Variants in MYO1E observed in about 807,000 individuals in gnomAD.
MYO1E encodes myosin IE.
A neutral mutation model predicts 151.1 loss-of-function variants in MYO1E; 68 were observed. That is an observed-to-expected ratio of 0.45 (90% CI 0.37 to 0.55). The LOEUF is 0.55. Ranked by LOEUF, MYO1E falls within the 20% of genes least tolerant of loss-of-function variation. MYO1E has a pLI of 0.00. For missense variants in MYO1E, 1,363 were observed against 1,389.3 expected (o/e 0.98, Z 0.30); for synonymous variants, 601 against 501.7 (o/e 1.20, Z -2.64).
chr15:59,224,905 C>G, intron 7 of MYO1E, 82 bp from the exon 8 acceptor site: 3 of 1,578,268 alleles, frequency 1.9e-6, no homozygotes, highest in East Asian at 2.2e-5. Flanking sequence ...AGCCACCATC[C>G]CTAAGGACTT....
chr15:59,278,185 T>A (rs2080332743), intron 1 of MYO1E, among the ~76,000 whole-genome samples: 1 of 152,352 alleles, frequency 6.6e-6, no homozygotes, highest in Admixed American at 6.5e-5. Flanking sequence ...TAGTATCATG[T>A]CTGAGCCATT....
chr15:59,186,169 T>C (rs1221526562), intron 18 of MYO1E, among the ~76,000 whole-genome samples: 2 of 152,212 alleles, frequency 1.3e-5, no homozygotes, highest in African/African-American at 4.8e-5. Context: ...GTAAACCTTG[T>C]TCCTAGTCTA....
chr15:59,277,818 G>A (rs1039427151), intron 1 of MYO1E, among the ~76,000 whole-genome samples: 1 of 152,192 alleles, frequency 6.6e-6, no homozygotes, highest in Non-Finnish European at 1.5e-5. Flanking sequence ...CATTGAAAGA[G>A]TAGTCAATAT....
chr15:59,207,004 C>T (rs1251774507), intron 14 of MYO1E: 2 of 1,614,074 alleles, frequency 1.2e-6, no homozygotes, highest in Non-Finnish European at 1.7e-6. Context: ...AGCGAATTTC[C>T]TATGCCTGGG....
intron 1 of MYO1E, among the ~76,000 whole-genome samples, chr15:59,351,715 G>A (rs1008676508): frequency 1.3e-5 from 2 of 148,278 alleles, no homozygotes; most frequent in African/African-American, 4.9e-5. Context: ...GGAAGGGGGA[G>A]TCCTGTGAAG....
chr15:59,334,762 T>C (rs1315545578), intron 1 of MYO1E, among the ~76,000 whole-genome samples: 2 of 152,188 alleles, frequency 1.3e-5, no homozygotes, highest in African/African-American at 4.8e-5. Flanking sequence ...GCTGGGTCTT[T>C]GGGTTCAGCC....
chr15:59,224,761 A>G lies in MYO1E; in HGVS notation c.705T>C (p.Tyr235=), dbSNP rs148352555. ...HSLGITSMDY[Y]YYLSLSGSYK... ...ATGAGCCCGAGAGGCTCAGGTAGTA[A>G]TAATAGTCCATGCTGGTGATGCCAA... The change falls in exon 8 of 28, where the codon TAT becomes TAC. Residue 235 remains tyrosine (Y), a synonymous_variant. Coordinates refer to ENST00000288235, the MANE Select transcript of MYO1E (RefSeq NM_004998.4). 3.1e-6 allele frequency: 5 copies of G among 1,614,092 alleles called. No individual in the cohort carries two copies. In the African/African-American group the frequency reaches 6.7e-5, roughly 22 times the overall value.
At chr15:59,366,043 A>G (rs1209031619) in intron 1 of MYO1E, among the ~76,000 whole-genome samples, 1 of 152,122 alleles carries the variant, frequency 6.6e-6, no homozygotes, top group East Asian at 1.9e-4. Context: ...CAATGGCGTG[A>G]TCTAGGCTCA....
At chr15:59,172,171 A>G in intron 21 of MYO1E, 129 bp from the exon 22 acceptor site, 1 of 1,003,630 alleles carries the variant, frequency 1.0e-6, no homozygotes, top group Non-Finnish European at 1.5e-6. Flanking sequence ...AGCCTGACCA[A>G]CATGGTGAAA....
intron 1 of MYO1E, among the ~76,000 whole-genome samples, chr15:59,323,233 G>A (rs1262962686): frequency 6.9e-6 from 1 of 145,894 alleles, no homozygotes; most frequent in East Asian, 2.0e-4. Context: ...ATGGAAATAA[G>A]ATTGACAGAA....
intron 1 of MYO1E, among the ~76,000 whole-genome samples, chr15:59,309,465 T>TA (rs1416760870): frequency 2.6e-5 from 4 of 152,348 alleles, no homozygotes; most frequent in African/African-American, 9.6e-5. Flanking sequence ...AACTGTTTAC[T>TA]AAATGCTACT....
At chr15:59,324,644 G>T (rs775874803) in intron 1 of MYO1E, among the ~76,000 whole-genome samples, 2 of 98,758 alleles carry the variant, frequency 2.0e-5, no homozygotes, top group African/African-American at 7.3e-5. Flanking sequence ...GTGTCTCGCC[G>T]TATTTATCCC....
intron 1 of MYO1E, among the ~76,000 whole-genome samples, chr15:59,306,243 T>G (rs1036613193): frequency 2.6e-5 from 4 of 152,252 alleles, no homozygotes; most frequent in African/African-American, 9.6e-5. Context: ...GATTATTACA[T>G]GTACATTATT....
At chr15:59,155,464 G>C (rs1293500368) in intron 25 of MYO1E, among the ~76,000 whole-genome samples, 1 of 152,146 alleles carries the variant, frequency 6.6e-6, no homozygotes. Flanking sequence ...AGAAGTGCTG[G>C]TCAAATGGAT....
At chr15:59,327,734 C>T (rs1596419551) in intron 1 of MYO1E, among the ~76,000 whole-genome samples, 1 of 152,068 alleles carries the variant, frequency 6.6e-6, no homozygotes, top group African/African-American at 2.4e-5. Flanking sequence ...CTCTCCAGCT[C>T]GCTGAATTAG....
chr15:59,214,036 T>A (rs1490184919), intron 12 of MYO1E, among the ~76,000 whole-genome samples, 192 bp downstream of exon 12: 1 of 152,190 alleles, frequency 6.6e-6, no homozygotes, highest in Admixed American at 6.5e-5. Flanking sequence ...AGAAGGCAAA[T>A]GCTGCAGACG....
chr15:59,301,154 C>T (rs371089187), intron 1 of MYO1E, among the ~76,000 whole-genome samples: 1 of 152,124 alleles, frequency 6.6e-6, no homozygotes, highest in South Asian at 2.1e-4. Context: ...GCCACCGCAC[C>T]TGGCACATTT....
chr15:59,174,113 A>G lies in MYO1E; in HGVS notation c.2164+13T>C. ...GATTTATTAAAATCAATGAAACAAA[A>G]TTGCTAAAATACCTTCTTCTCTCAT... On this transcript the variant is annotated intron_variant, in intron 20 of 27. Coordinates refer to ENST00000288235, the MANE Select transcript of MYO1E (RefSeq NM_004998.4). 1 of 1,603,302 alleles carries G rather than the reference A, an allele frequency of 6.2e-7. No homozygotes were observed.
chr15:59,320,518 C>T (rs1406706325), intron 1 of MYO1E, among the ~76,000 whole-genome samples: 2 of 151,898 alleles, frequency 1.3e-5, no homozygotes, highest in African/African-American at 4.8e-5. Context: ...ACAGAGAACC[C>T]AGAAATAAAG....
Sources: gnomAD v4.1 joint callset for allele counts (sites outside exome capture counted in the v4.1 genomes callset) on GRCh38, gnomAD v4.1.1 for gene constraint, MANE v1.5 for transcripts, NCBI Gene and HGNC (gene_info 2026-07-23, HGNC 2026-07-21) for gene names.